The following EEA1 variants were observed in gnomAD, a reference collection of about 807,000 sequenced individuals.
The protein encoded by EEA1 is early endosome antigen 1, 162kD.
A neutral mutation model predicts 209.2 loss-of-function variants in EEA1; 111 were observed. That is an observed-to-expected ratio of 0.53 (90% CI 0.45 to 0.62). EEA1 has a LOEUF of 0.62. EEA1 is among the 20% of genes least tolerant of loss of function. EEA1 has a pLI of 0.00. For synonymous variants in EEA1, 536 were observed against 540.6 expected (o/e 0.99, Z 0.12); for missense variants, 1,343 against 1,530.8 (o/e 0.88, Z 2.05).
chr12:92,787,170 AC>A (rs1874170698), intron 22 of EEA1, among the ~76,000 whole-genome samples: 1 of 152,144 alleles, frequency 6.6e-6, no homozygotes, highest in African/African-American at 2.4e-5. Context: ...AAAATCCCAA[AC>A]ATAGGAAAGA....
intron 1 of EEA1, among the ~76,000 whole-genome samples, chr12:92,922,414 G>T (rs1206697664): frequency 6.6e-6 from 1 of 152,126 alleles, no homozygotes; most frequent in Admixed American, 6.6e-5. Context: ...GTTATCCCTA[G>T]ACTGAGGGCC....
At chr12:92,910,744 C>G (rs1880552196) in intron 1 of EEA1, among the ~76,000 whole-genome samples, 1 of 152,056 alleles carries the variant, frequency 6.6e-6, no homozygotes, top group Non-Finnish European at 1.5e-5. Flanking sequence ...TGATAATGGA[C>G]TATTATCCAA....
intron 2 of EEA1, among the ~76,000 whole-genome samples, chr12:92,889,562 A>C (rs1360797413): frequency 6.6e-6 from 1 of 151,532 alleles, no homozygotes; most frequent in Non-Finnish European, 1.5e-5. Context: ...CCAAAAAAAA[A>C]CCCCCACCTA....
intron 19 of EEA1, 36 bp downstream of exon 19, chr12:92,802,368 C>T (rs1163275663): frequency 6.7e-7 from 1 of 1,493,698 alleles, no homozygotes. Flanking sequence ...ATAAAATAAT[C>T]ACTTCTACCT....
At chr12:92,778,422 A>T (rs1284813392) in intron 25 of EEA1, among the ~76,000 whole-genome samples, 2 of 152,030 alleles carry the variant, frequency 1.3e-5, no homozygotes, top group Non-Finnish European at 2.9e-5. Context: ...AAGTGACACA[A>T]TGTGAGATCT....
At chr12:92,895,975 C>CT (rs910254277) in intron 1 of EEA1, among the ~76,000 whole-genome samples, 290 of 143,094 alleles carry the variant, frequency 2.0e-3, no homozygotes, top group Non-Finnish European at 1.9e-3. Context: ...TGATAATTTT[C>CT]TTTTTTTTTT....
At chr12:92,841,804 T>C (rs1400913460) in intron 10 of EEA1, among the ~76,000 whole-genome samples, 5 of 152,208 alleles carry the variant, frequency 3.3e-5, no homozygotes, top group Admixed American at 3.3e-4. Context: ...ACAGCCACTA[T>C]GGAAATTAGT....
At chr12:92,828,747 A>C (rs58334310) in intron 11 of EEA1, among the ~76,000 whole-genome samples, 2,273 of 152,054 alleles carry the variant, frequency 0.015, 52 homozygotes, top group African/African-American at 0.051. Flanking sequence ...ACAGCAAATC[A>C]GTGTTCCTTC....
At chr12:92,867,876 G>C (rs575914489) in intron 2 of EEA1, among the ~76,000 whole-genome samples, 67 of 152,180 alleles carry the variant, frequency 4.4e-4, no homozygotes, top group South Asian at 1.9e-3. Context: ...GAGAGAGAGA[G>C]AGAGACACAG....
At chr12:92,783,721 T>C (rs1318156759) in intron 22 of EEA1, among the ~76,000 whole-genome samples, 4 of 152,116 alleles carry the variant, frequency 2.6e-5, no homozygotes, top group African/African-American at 9.7e-5. Context: ...ATAATGGGTA[T>C]GGTAGGAACC....
intron 2 of EEA1, among the ~76,000 whole-genome samples, chr12:92,881,923 C>T (rs1236432806): frequency 1.3e-5 from 2 of 152,144 alleles, no homozygotes; most frequent in African/African-American, 4.8e-5. Flanking sequence ...TCCACCTCTG[C>T]CTCCTCTGAG....
At chr12:92,797,482 G>T (rs759506839) in intron 21 of EEA1, among the ~76,000 whole-genome samples, 1 of 152,062 alleles carries the variant, frequency 6.6e-6, no homozygotes, top group Non-Finnish European at 1.5e-5. Context: ...AGAATCTACA[G>T]ATATGGAGGG....
chr12:92,892,617 CAGGCTG>C (rs1879699054), intron 1 of EEA1, among the ~76,000 whole-genome samples: 1 of 138,582 alleles, frequency 7.2e-6, no homozygotes, highest in Non-Finnish European at 1.6e-5. Flanking sequence ...CTCTGTCATC[CAGGCTG>C]GAGCATAGTG....
intron 1 of EEA1, among the ~76,000 whole-genome samples, chr12:92,900,911 C>A (rs931123956): frequency 6.6e-6 from 1 of 152,096 alleles, no homozygotes; most frequent in Non-Finnish European, 1.5e-5. Context: ...TCAACTGATC[C>A]GCCCACCTCA....
chr12:92,805,398 AATC>A (rs1875153007), intron 18 of EEA1, among the ~76,000 whole-genome samples: 1 of 152,194 alleles, frequency 6.6e-6, no homozygotes, highest in African/African-American at 2.4e-5. Flanking sequence ...GAAACAACTT[AATC>A]ATCAACTCTG....
intron 11 of EEA1, among the ~76,000 whole-genome samples, chr12:92,831,808 G>A (rs527324967): frequency 1.2e-3 from 182 of 151,452 alleles, no homozygotes; most frequent in African/African-American, 4.1e-3. Flanking sequence ...CAATTTGGCC[G>A]GGCGCGGTGG....
chr12:92,777,406 C>A, intron 27 of EEA1, 137 bp downstream of exon 27: 2 of 960,322 alleles, frequency 2.1e-6, no homozygotes, highest in East Asian at 2.7e-5. Flanking sequence ...TCCACAAAAC[C>A]TACAATACTG....
intron 1 of EEA1, among the ~76,000 whole-genome samples, chr12:92,908,342 T>C (rs1393412607): frequency 1.3e-5 from 2 of 152,096 alleles, no homozygotes; most frequent in East Asian, 1.9e-4. Flanking sequence ...GAATGAAGAG[T>C]TATTGTTTTA....
chr12:92,925,457 T>A (rs1881176963), intron 1 of EEA1, among the ~76,000 whole-genome samples: 1 of 152,148 alleles, frequency 6.6e-6, no homozygotes, highest in African/African-American at 2.4e-5. Flanking sequence ...CTCAGTGATC[T>A]GCACGCCTCG....
Sources: gnomAD v4.1 joint callset for allele counts (sites outside exome capture counted in the v4.1 genomes callset) on GRCh38, gnomAD v4.1.1 for gene constraint, MANE v1.5 for transcripts, NCBI Gene and HGNC (gene_info 2026-07-23, HGNC 2026-07-21) for gene names.